UVRAG: variants seen among roughly 807,000 people sequenced by gnomAD.
UVRAG encodes UV radiation resistance associated, also known as UV radiation resistance-associated gene protein.
Under a neutral mutation model 78.0 loss-of-function variants are expected in UVRAG, and 19 were observed. The observed-to-expected ratio is 0.24, with a 90% CI of 0.17 to 0.36. The LOEUF (loss-of-function observed/expected upper bound fraction) is 0.36, where lower values mean the gene tolerates loss of function less well. Ranked by LOEUF, UVRAG falls within the 10% of genes least tolerant of loss-of-function variation. UVRAG has a pLI of 1.00. For missense variants in UVRAG, 740 were observed against 853.8 expected (o/e 0.87, Z 1.66); for synonymous variants, 323 against 324.6 (o/e 1.00, Z 0.05).
chr11:75,897,367 T>G (rs1451762429), intron 5 of UVRAG, among the ~76,000 whole-genome samples: 1 of 152,186 alleles, frequency 6.6e-6, no homozygotes, highest in Non-Finnish European at 1.5e-5. Context: ...CCTAATTAGC[T>G]GGATAACACC....
intron 7 of UVRAG, among the ~76,000 whole-genome samples, chr11:75,966,435 C>T (rs1385488961): frequency 6.6e-6 from 1 of 152,170 alleles, no homozygotes; most frequent in African/African-American, 2.4e-5. Context: ...CCTATTCCAT[C>T]TTGCCCAGGA....
chr11:76,093,863 C>G (rs918493669), intron 13 of UVRAG, among the ~76,000 whole-genome samples: 1 of 152,182 alleles, frequency 6.6e-6, no homozygotes, highest in Admixed American at 6.5e-5. Flanking sequence ...TTTCTCCTGC[C>G]TGATTGCCCT....
At position 75,905,663 on chromosome 11, in the gene UVRAG, C is replaced by T. The variant is rs529222842; in HGVS notation, c.508-6291C>T. ...TGAGTAATATTCTATTGCATGTGTA[C>T]ACACACAGAGACACACACACACACA... On this transcript the variant is annotated intron_variant, in intron 5 of 14. Coordinates refer to ENST00000356136, the MANE Select transcript of UVRAG (RefSeq NM_003369.4). Among the ~76,000 whole-genome samples the T allele has an allele frequency of 5.9e-5, 9 of 152,162 alleles. 1 individual carries two copies. The highest frequency in any genetic ancestry group is 6.8e-3 in the Middle Eastern group (2 of 294).
intron 1 of UVRAG, among the ~76,000 whole-genome samples, chr11:75,817,721 A>G (rs553675541): frequency 1.4e-4 from 21 of 152,190 alleles, no homozygotes; most frequent in Non-Finnish European, 2.6e-4. Flanking sequence ...CCAAGGGAAC[A>G]GTTATGTAAG....
intron 1 of UVRAG, among the ~76,000 whole-genome samples, chr11:75,840,928 TG>T (rs1425247356): frequency 6.6e-6 from 1 of 152,222 alleles, no homozygotes; most frequent in Non-Finnish European, 1.5e-5. Flanking sequence ...TTTGTTTTTT[TG>T]TTTTTAAACT....
chr11:75,859,316 C>T (rs954584425), intron 2 of UVRAG, among the ~76,000 whole-genome samples: 8 of 150,952 alleles, frequency 5.3e-5, no homozygotes, highest in African/African-American at 9.8e-5. Context: ...GCGGAGGTTG[C>T]GGTGAGCCGA....
chr11:75,941,296 A>G (rs898500470), intron 6 of UVRAG, among the ~76,000 whole-genome samples: 3 of 152,056 alleles, frequency 2.0e-5, no homozygotes, highest in Non-Finnish European at 4.4e-5. Flanking sequence ...CTACTTCTCC[A>G]TATCTTTATT....
chr11:76,086,256 C>G (rs186890909), intron 13 of UVRAG, among the ~76,000 whole-genome samples: 6 of 152,284 alleles, frequency 3.9e-5, no homozygotes, highest in African/African-American at 1.4e-4. Flanking sequence ...AAAGATTTGT[C>G]TTTACACATC....
At chr11:75,944,432 A>G (rs955533434) in intron 6 of UVRAG, among the ~76,000 whole-genome samples, 7 of 152,190 alleles carry the variant, frequency 4.6e-5, no homozygotes, top group Admixed American at 4.6e-4. Context: ...GTCGACTGGT[A>G]ACTACTTGAT....
At chr11:76,029,254 A>G (rs1189864170) in intron 12 of UVRAG, among the ~76,000 whole-genome samples, 1 of 152,204 alleles carries the variant, frequency 6.6e-6, no homozygotes, top group Non-Finnish European at 1.5e-5. Context: ...CATTGAAAAC[A>G]CACCTGGTTA....
chr11:76,000,641 AAGTT>A (rs1175925116), intron 8 of UVRAG, among the ~76,000 whole-genome samples: 1 of 152,078 alleles, frequency 6.6e-6, no homozygotes, highest in East Asian at 1.9e-4. Context: ...AAAAAGAAAA[AAGTT>A]AGATAGATTA....
At chr11:75,865,847 T>C (rs954605237) in intron 3 of UVRAG, among the ~76,000 whole-genome samples, 1 of 152,188 alleles carries the variant, frequency 6.6e-6, no homozygotes, top group Admixed American at 6.5e-5. Flanking sequence ...ACTCCTGATC[T>C]CCGGTGATCT....
At chr11:75,854,262 T>G (rs932182493) in intron 2 of UVRAG, among the ~76,000 whole-genome samples, 3 of 152,172 alleles carry the variant, frequency 2.0e-5, no homozygotes, top group African/African-American at 7.2e-5. Flanking sequence ...AGGTTCCTTC[T>G]AGTTTGGGCT....
intron 8 of UVRAG, among the ~76,000 whole-genome samples, chr11:76,002,087 G>C (rs1245827850): frequency 1.3e-5 from 2 of 152,094 alleles, no homozygotes; most frequent in Admixed American, 1.3e-4. Flanking sequence ...TAGTATTCAG[G>C]TTGGTAATAT....
chr11:76,007,719 T>A (rs1949973881), intron 10 of UVRAG, 98 bp downstream of exon 10: 6 of 895,196 alleles, frequency 6.7e-6, no homozygotes, highest in Non-Finnish European at 1.1e-5. Flanking sequence ...TTAGGCTTAA[T>A]CATATGCTCT....
intron 1 of UVRAG, among the ~76,000 whole-genome samples, chr11:75,849,476 A>G (rs1946108033): frequency 6.6e-6 from 1 of 151,564 alleles, no homozygotes; most frequent in African/African-American, 2.4e-5. Context: ...CCTGGGCGAC[A>G]GAGCGAGACT....
At chr11:76,100,433 C>T (rs954907846) in intron 13 of UVRAG, among the ~76,000 whole-genome samples, 3 of 152,094 alleles carry the variant, frequency 2.0e-5, no homozygotes, top group African/African-American at 7.2e-5. Flanking sequence ...GAAACTCTCT[C>T]CACTGGCTTA....
intron 1 of UVRAG, among the ~76,000 whole-genome samples, chr11:75,820,670 A>G (rs1321589164): frequency 6.6e-6 from 1 of 152,200 alleles, no homozygotes. Flanking sequence ...TATTCTTAAC[A>G]TCTGCCTTGA....
chr11:75,853,191 G>C (rs1402598205), intron 2 of UVRAG, among the ~76,000 whole-genome samples: 1 of 152,022 alleles, frequency 6.6e-6, no homozygotes, highest in African/African-American at 2.4e-5. Flanking sequence ...GGGATTATAG[G>C]TATGAGCCAC....
Sources: gnomAD v4.1 joint callset for allele counts (sites outside exome capture counted in the v4.1 genomes callset) on GRCh38, gnomAD v4.1.1 for gene constraint, MANE v1.5 for transcripts, NCBI Gene and HGNC (gene_info 2026-07-23, HGNC 2026-07-21) for gene names.